ANKRD24: variants seen among roughly 807,000 people sequenced by gnomAD.
The protein encoded by ANKRD24 is ankyrin repeat domain 24.
A neutral mutation model predicts 127.8 loss-of-function variants in ANKRD24; 109 were observed. The ratio of observed to expected loss-of-function variants is 0.85; its 90% CI spans 0.73 to 1.00. ANKRD24 has a LOEUF of 1.00. Ranked by LOEUF, ANKRD24 falls within the 50% of genes least tolerant of loss-of-function variation. ANKRD24 has a pLI of 0.00. For missense variants in ANKRD24, 1,648 were observed against 1,570.2 expected (o/e 1.05, Z -0.84); for synonymous variants, 743 against 671.1 (o/e 1.11, Z -1.66).
At chr19:4,203,054 T>TTC in intron 7 of ANKRD24, 128 bp downstream of exon 7, 3 of 621,816 alleles carry the variant, frequency 4.8e-6, no homozygotes, top group Non-Finnish European at 7.3e-6. Context: ...CTTTCTTTCT[T>TTC]TTTTTTTTTT....
At chr19:4,215,948 C>A in intron 15 of ANKRD24, 30 bp from the exon 16 acceptor site, 22 of 1,552,850 alleles carry the variant, frequency 1.4e-5, no homozygotes, top group Non-Finnish European at 1.8e-5. Flanking sequence ...AGAGCAGAAC[C>A]CCGAGCTGGA....
intron 5 of ANKRD24, 145 bp downstream of exon 5, chr19:4,200,316 G>C: frequency 1.1e-6 from 1 of 914,788 alleles, no homozygotes; most frequent in South Asian, 1.7e-5. Context: ...CCTGCCCCCA[G>C]GGAGACACAC....
In ANKRD24 at chr19:4,224,121, C is replaced by T; in HGVS notation, c.3298-6C>T. The T allele has an allele frequency of 6.2e-7, 1 of 1,612,170 alleles. No homozygotes were observed. The highest frequency in any genetic ancestry group is 8.5e-7 in the Non-Finnish European group (1 of 1,179,488). On this transcript the variant is annotated splice_region_variant and splice_polypyrimidine_tract_variant and intron_variant, in intron 20 of 21. Coordinates refer to ENST00000318934, the MANE Select transcript of ANKRD24 (RefSeq NM_001393985.1). ...TCTTCTGAGCGCCCCTTCCTCATGCCCACAGGAAGCTGCCAGGGACCACTC... is the reference window on the plus strand; with the variant it reads ...TCTTCTGAGCGCCCCTTCCTCATGCTCACAGGAAGCTGCCAGGGACCACTC...
chr19:4,185,227 G>T (rs543043936), intron 1 of ANKRD24, among the ~76,000 whole-genome samples: 3 of 152,116 alleles, frequency 2.0e-5, no homozygotes, highest in Admixed American at 1.3e-4. Context: ...GTGTTTGGGT[G>T]GGTGGATGGA....
chr19:4,207,051 A>G, intron 7 of ANKRD24, 191 bp from the exon 8 acceptor site: 1 of 597,130 alleles, frequency 1.7e-6, no homozygotes. Context: ...AGCTGGGGCC[A>G]CAGACACACA....
Position 4,208,800 on chromosome 19 carries a change from A to G in ANKRD24, c.869A>G (p.Gln290Arg), listed in dbSNP as rs767627880. The G allele has an allele frequency of 1.2e-6, 2 of 1,613,000 alleles. No homozygotes were observed. The highest frequency in any genetic ancestry group is 1.1e-5 in the South Asian group (1 of 90,840). ...GATGATTCAGGCGAGGCGTCATCTC[A>G]GGTATGGACCCCTAAGCAGTGAAGG... ...TEDDSGEASS[Q>R]NSMSSHGKQG... The change falls in exon 11 of 22, where the codon CAG becomes CGG. Residue 290 changes from glutamine to arginine, a missense_variant and splice_region_variant. Gln to Arg is a conservative substitution (Grantham distance 43, BLOSUM62 1). Coordinates refer to ENST00000318934, the MANE Select transcript of ANKRD24 (RefSeq NM_001393985.1).
At chr19:4,193,770 G>T (rs1292114498) in intron 2 of ANKRD24, among the ~76,000 whole-genome samples, 3 of 147,958 alleles carry the variant, frequency 2.0e-5, no homozygotes, top group Non-Finnish European at 4.5e-5. Flanking sequence ...CCGGGAGGTG[G>T]AGTTTGCAGT....
At chr19:4,186,132 T>C in intron 1 of ANKRD24, 1 of 622,140 alleles carries the variant, frequency 1.6e-6, no homozygotes, top group Non-Finnish European at 2.4e-6. Context: ...GTAGGGACCA[T>C]GCTGAAAACT....
At chr19:4,184,037 A>G (rs941600262) in intron 1 of ANKRD24, among the ~76,000 whole-genome samples, 1 of 152,228 alleles carries the variant, frequency 6.6e-6, no homozygotes, top group Non-Finnish European at 1.5e-5. Flanking sequence ...GAGGAAGAGC[A>G]TGGCTCCTTC....
At chr19:4,216,101 C>T in intron 16 of ANKRD24, 51 bp downstream of exon 16, 1 of 1,532,970 alleles carries the variant, frequency 6.5e-7, no homozygotes, top group Non-Finnish European at 8.9e-7. Context: ...CCCTGGGGCC[C>T]TGGAAGACGG....
At chr19:4,213,432 C>T (rs1969880478) in intron 15 of ANKRD24, among the ~76,000 whole-genome samples, 3 of 140,516 alleles carry the variant, frequency 2.1e-5, no homozygotes, top group South Asian at 2.3e-4. Flanking sequence ...TTCCTTTCTT[C>T]TCTCTTTCCT....
intron 19 of ANKRD24, 123 bp from the exon 20 acceptor site, chr19:4,222,547 A>T: frequency 1.7e-6 from 2 of 1,211,140 alleles, no homozygotes; most frequent in Admixed American, 6.5e-5. Flanking sequence ...AGAGTTTGCT[A>T]ACCCCAGGGA....
intron 2 of ANKRD24, among the ~76,000 whole-genome samples, chr19:4,192,536 G>A (rs1451144285): frequency 1.3e-5 from 2 of 151,230 alleles, no homozygotes; most frequent in African/African-American, 2.4e-5. Flanking sequence ...ATTTTTCACC[G>A]AGCCCTGCAA....
At chr19:4,208,147 G>A (rs1969502915) in intron 10 of ANKRD24, among the ~76,000 whole-genome samples, 179 bp downstream of exon 10, 1 of 152,064 alleles carries the variant, frequency 6.6e-6, no homozygotes, top group Non-Finnish European at 1.5e-5. Flanking sequence ...AGAGTAGTCT[G>A]GGAGGGGGTC....
chr19:4,210,497 C>A, intron 13 of ANKRD24, 125 bp downstream of exon 13: 1 of 865,010 alleles, frequency 1.2e-6, no homozygotes, highest in Admixed American at 2.9e-5. Flanking sequence ...CTGCTGCAGC[C>A]ACCTGGGCCT....
At position 4,220,226 on chromosome 19, in the gene ANKRD24, G is replaced by A. The variant is rs1012544254; in HGVS notation, c.3171+468G>A. Reference sequence around the variant, plus strand: ...GAGCTCAAGTGATCCGCCTGCCTCAGCCCCCAAAAGGGCTGGGGTTACAGG... The same window carrying A: ...GAGCTCAAGTGATCCGCCTGCCTCAACCCCCAAAAGGGCTGGGGTTACAGG... On this transcript the variant is annotated intron_variant, in intron 19 of 21. Transcript: ENST00000318934. Among the ~76,000 whole-genome samples the A allele has an allele frequency of 8.5e-5, 13 of 152,132 alleles. 1 individual carries two copies. The highest frequency in any genetic ancestry group is 8.5e-4 in the Admixed American group (13 of 15,272).
In ANKRD24 at chr19:4,207,960, C is replaced by T; in HGVS notation, c.824C>T (p.Pro275Leu). 2.0e-6 allele frequency: 3 copies of T among 1,499,470 alleles called. No homozygotes were observed. Among genetic ancestry groups the T allele is most frequent in the Non-Finnish European group, 2.7e-6 (3 of 1,126,754 alleles). The allele number at this position is 1,499,470 out of a possible 1,614,324, so 92.9% of individuals were successfully genotyped here. Residue 275 changes from proline to leucine, a missense_variant, in exon 10 of 22, where the codon CCA becomes CTA. Coordinates refer to ENST00000318934, the MANE Select transcript of ANKRD24 (RefSeq NM_001393985.1). ...CAAGAGGCGGCCCAGCGCCCCTCCC[C>T]ACCCAGCGGTATGCAAGCCCCACCT... Reference protein sequence around the residue: ...LLQEAAQRPSPPSALTEDDSG... With the variant: ...LLQEAAQRPSLPSALTEDDSG...
At chr19:4,191,376 C>T (rs551318707) in intron 2 of ANKRD24, among the ~76,000 whole-genome samples, 3 of 152,324 alleles carry the variant, frequency 2.0e-5, no homozygotes, top group African/African-American at 7.2e-5. Context: ...TGCTACCCCT[C>T]TCCTCCTCTC....
Position 4,186,398 on chromosome 19 carries a change from T to G in ANKRD24, c.-28T>G, listed in dbSNP as rs2159983. 0.16 allele frequency: 248,413 copies of G among 1,576,748 alleles called. 24,729 individuals carry two copies. Among genetic ancestry groups the G allele is most frequent in the East Asian group, 0.54 (22,796 of 42,438 alleles). On this transcript the variant is annotated 5_prime_UTR_variant, in exon 2 of 22. Coordinates refer to ENST00000318934, the MANE Select transcript of ANKRD24 (RefSeq NM_001393985.1). ...ACCCTTGCCCTCCTCAGGTGGCCTG[T>G]GGAGAGGAGAAACACAGGGCACCAA...
Sources: gnomAD v4.1 joint callset for allele counts (sites outside exome capture counted in the v4.1 genomes callset) on GRCh38, gnomAD v4.1.1 for gene constraint, MANE v1.5 for transcripts, NCBI Gene and HGNC (gene_info 2026-07-23, HGNC 2026-07-21) for gene names.